Variants in DCC observed in about 807,000 individuals in gnomAD.
DCC encodes the protein DCC netrin 1 receptor.
In DCC, 58 loss-of-function variants were observed where a neutral mutation model predicts 172.5. That is an observed-to-expected ratio of 0.34 (90% CI 0.27 to 0.42). The LOEUF (loss-of-function observed/expected upper bound fraction) is 0.42. Ranked by LOEUF, DCC falls within the 10% of genes least tolerant of loss-of-function variation. The pLI, the probability that DCC is intolerant of heterozygous loss-of-function variation, is 1.00. For missense variants in DCC, 1,740 were observed against 1,791.0 expected (o/e 0.97, Z 0.51); for synonymous variants, 709 against 644.5 (o/e 1.10, Z -1.52).
chr18:52,619,056 G>A (rs1430253360), intron 1 of DCC, among the ~76,000 whole-genome samples: 1 of 152,106 alleles, frequency 6.6e-6, no homozygotes, highest in Non-Finnish European at 1.5e-5. Context: ...TTGTGCCTCA[G>A]CCTCCTGAGT....
intron 1 of DCC, among the ~76,000 whole-genome samples, chr18:52,379,781 C>G (rs964504255): frequency 6.6e-6 from 1 of 152,130 alleles, no homozygotes; most frequent in Non-Finnish European, 1.5e-5. Flanking sequence ...TGGTACTTTG[C>G]CTTGAAGTTC....
rs550554340 is a variant in DCC, at chr18:52,737,573, T to C, written c.92-14481T>C. 9.9e-5 allele frequency among the ~76,000 whole-genome samples: 15 copies of C among 152,194 alleles called. 1 individual carries two copies. The South Asian group carries it at 3.1e-3, about 32-fold the overall frequency. Reference sequence around the variant, plus strand: ...TGTTTCATAGGTAATTGGAATACATTTGGTGAAGCCCCTGGAATAGGTACA... The same window carrying C: ...TGTTTCATAGGTAATTGGAATACATCTGGTGAAGCCCCTGGAATAGGTACA... On this transcript the variant is annotated intron_variant, in intron 1 of 28. Coordinates refer to ENST00000442544, the MANE Select transcript of DCC (RefSeq NM_005215.4).
chr18:52,873,062 C>T (rs1408724349), intron 2 of DCC, among the ~76,000 whole-genome samples: 1 of 152,170 alleles, frequency 6.6e-6, no homozygotes, highest in African/African-American at 2.4e-5. Context: ...GTCAATCTCA[C>T]AATTTGAAAT....
chr18:53,518,331 C>G (rs1481843199), intron 27 of DCC, among the ~76,000 whole-genome samples: 1 of 152,112 alleles, frequency 6.6e-6, no homozygotes, highest in East Asian at 1.9e-4. Context: ...GAAATCAAAA[C>G]CATGCTGTGC....
In DCC at chr18:52,822,561, T is replaced by C. The variant is rs556054142; in HGVS notation, c.412+70187T>C. ...AGCCCCTGCAACAGCCAAATTCCAA[T>C]TCTGCGTTTTCCCCCTAAACAAAAA... On this transcript the variant is annotated intron_variant, in intron 2 of 28. Transcript: ENST00000442544. Among the ~76,000 whole-genome samples, 3 of 152,310 alleles carry C rather than the reference T, an allele frequency of 2.0e-5. No homozygotes were observed. The South Asian group carries it at 6.2e-4, about 32-fold the overall frequency.
At chr18:53,141,203 A>C (rs2043825178) in intron 7 of DCC, among the ~76,000 whole-genome samples, 1 of 152,180 alleles carries the variant, frequency 6.6e-6, no homozygotes. Context: ...GAAAGTCCCT[A>C]GCGACCTCTG....
At chr18:53,045,724 A>G (rs1222359829) in intron 5 of DCC, among the ~76,000 whole-genome samples, 2 of 151,912 alleles carry the variant, frequency 1.3e-5, no homozygotes, top group African/African-American at 2.4e-5. Context: ...AGTCTAATGT[A>G]TGCCTTTGTC....
intron 5 of DCC, among the ~76,000 whole-genome samples, chr18:52,957,743 T>A (rs1050417642): frequency 1.3e-5 from 2 of 152,032 alleles, no homozygotes; most frequent in African/African-American, 4.8e-5. Context: ...CCAGGAGGTA[T>A]AGAGAGTACC....
At chr18:53,257,727 A>G (rs188108020) in intron 12 of DCC, among the ~76,000 whole-genome samples, 239 of 152,334 alleles carry the variant, frequency 1.6e-3, no homozygotes, top group African/African-American at 5.5e-3. Context: ...TGGCCTCATA[A>G]AATGAGTTAG....
chr18:52,988,366 C>G (rs375289425), intron 5 of DCC, among the ~76,000 whole-genome samples: 10 of 151,964 alleles, frequency 6.6e-5, no homozygotes, highest in African/African-American at 2.2e-4. Flanking sequence ...ACTGAAACAT[C>G]CAAATGATTG....
intron 15 of DCC, among the ~76,000 whole-genome samples, chr18:53,373,104 G>A (rs999364198): frequency 1.3e-5 from 2 of 152,048 alleles, no homozygotes; most frequent in African/African-American, 4.8e-5. Context: ...CAAACATGCA[G>A]CTGTATTAAA....
intron 15 of DCC, among the ~76,000 whole-genome samples, chr18:53,363,475 A>G (rs1160643371): frequency 6.6e-6 from 1 of 152,222 alleles, no homozygotes; most frequent in Non-Finnish European, 1.5e-5. Context: ...ACTCAGAAGA[A>G]TAAAGGTATG....
chr18:53,013,368 T>TA (rs921765646), intron 5 of DCC, among the ~76,000 whole-genome samples: 1 of 151,906 alleles, frequency 6.6e-6, no homozygotes, highest in African/African-American at 2.4e-5. Flanking sequence ...TACACAGCCA[T>TA]AAAAAATGAG....
intron 1 of DCC, among the ~76,000 whole-genome samples, chr18:52,515,235 A>T (rs2031586074): frequency 6.6e-6 from 1 of 152,206 alleles, no homozygotes; most frequent in Non-Finnish European, 1.5e-5. Context: ...GAGATTGTGT[A>T]TCCATAGCCA....
At chr18:53,276,157 T>A (rs2056804484) in intron 12 of DCC, among the ~76,000 whole-genome samples, 1 of 152,160 alleles carries the variant, frequency 6.6e-6, no homozygotes, top group East Asian at 1.9e-4. Flanking sequence ...AACTTTGACA[T>A]CTTCTCAGCT....
intron 1 of DCC, among the ~76,000 whole-genome samples, chr18:52,546,666 A>ATCG (rs1393770823): frequency 6.8e-6 from 1 of 146,110 alleles, no homozygotes; most frequent in Non-Finnish European, 1.5e-5. Flanking sequence ...TAATATCATC[A>ATCG]TCATCATCAT....
intron 2 of DCC, among the ~76,000 whole-genome samples, chr18:52,888,693 A>T (rs994538684): frequency 2.6e-5 from 4 of 152,022 alleles, no homozygotes; most frequent in African/African-American, 7.2e-5. Flanking sequence ...CTTTTTAACA[A>T]CAAAAAACAA....
At chr18:52,610,170 AAAAAAAAAATAT>A (rs2034233187) in intron 1 of DCC, among the ~76,000 whole-genome samples, 1 of 24,624 alleles carries the variant, frequency 4.1e-5, no homozygotes, top group African/African-American at 1.7e-4. Context: ...AAAAAAAAAA[AAAAAAAAAATAT>A]ATATATATAT....
intron 1 of DCC, among the ~76,000 whole-genome samples, chr18:52,513,576 T>C (rs894731834): frequency 6.6e-6 from 1 of 152,214 alleles, no homozygotes; most frequent in African/African-American, 2.4e-5. Context: ...TAAAATAATA[T>C]ATGTTATGTA....
Sources: allele counts gnomAD v4.1 joint callset (sites outside exome capture counted in the v4.1 genomes callset), GRCh38; gene constraint gnomAD v4.1.1; transcripts MANE v1.5; gene names NCBI Gene and HGNC (gene_info 2026-07-23, HGNC 2026-07-21).